The following RGS6 variants were observed in gnomAD, a reference collection of about 807,000 sequenced individuals.
RGS6 encodes regulator of G-protein signaling 6.
In RGS6, 30 loss-of-function variants were observed where a neutral mutation model predicts 78.5. That is an observed-to-expected ratio of 0.38 (90% CI 0.29 to 0.52). The LOEUF is 0.52. RGS6 is among the 20% of genes least tolerant of loss of function. RGS6 has a pLI of 0.85. For missense variants in RGS6, 495 were observed against 609.7 expected, an observed-to-expected ratio of 0.81 and a Z score of 1.98; for synonymous variants, 206 against 206.0, an observed-to-expected ratio of 1.00 and a Z score of 0.00.
intron 2 of RGS6, among the ~76,000 whole-genome samples, chr14:72,293,969 G>A (rs924469043): frequency 2.6e-5 from 4 of 152,212 alleles, no homozygotes; most frequent in African/African-American, 9.7e-5. Context: ...CCTGGGCTAA[G>A]CTATTGCAGG....
chr14:72,233,294 G>A (rs2050140145), intron 2 of RGS6, among the ~76,000 whole-genome samples: 1 of 152,188 alleles, frequency 6.6e-6, no homozygotes, highest in South Asian at 2.1e-4. Context: ...GCAGGATGGA[G>A]GCTTGGGTAT....
chr14:72,263,769 C>G (rs1418819588), intron 2 of RGS6, among the ~76,000 whole-genome samples: 2 of 152,172 alleles, frequency 1.3e-5, no homozygotes, highest in Non-Finnish European at 2.9e-5. Context: ...TCTTGGACTT[C>G]CCAGTCTCCA....
At chr14:72,517,280 C>T (rs754010920) in intron 14 of RGS6, among the ~76,000 whole-genome samples, 4 of 152,178 alleles carry the variant, frequency 2.6e-5, no homozygotes, top group Non-Finnish European at 2.9e-5. Context: ...CTGTGATTCC[C>T]GCTGCTCTCG....
At chr14:72,219,749 C>G (rs28678452) in intron 2 of RGS6, among the ~76,000 whole-genome samples, 68,828 of 151,906 alleles carry the variant, frequency 0.45, 15,946 homozygotes, top group Middle Eastern at 0.59. Context: ...GGTCTCCTGT[C>G]TTATTGTATC....
At chr14:72,248,640 C>T (rs967658821) in intron 2 of RGS6, among the ~76,000 whole-genome samples, 5 of 152,176 alleles carry the variant, frequency 3.3e-5, no homozygotes, top group African/African-American at 1.2e-4. Flanking sequence ...TTACTTACCT[C>T]CAAATCAAAG....
At chr14:72,339,309 A>G (rs1011823331) in intron 2 of RGS6, among the ~76,000 whole-genome samples, 1 of 152,192 alleles carries the variant, frequency 6.6e-6, no homozygotes, top group African/African-American at 2.4e-5. Context: ...AGAAAGCAGA[A>G]CAAGCCCTCA....
intron 17 of RGS6, among the ~76,000 whole-genome samples, chr14:72,543,395 G>C (rs2097351941): frequency 6.6e-6 from 1 of 152,292 alleles, no homozygotes; most frequent in Middle Eastern, 3.4e-3. Flanking sequence ...AGCTTCTCCA[G>C]GGCCCCCAAT....
At chr14:72,143,444 T>C (rs2096567926) in intron 2 of RGS6, among the ~76,000 whole-genome samples, 1 of 152,224 alleles carries the variant, frequency 6.6e-6, no homozygotes, top group African/African-American at 2.4e-5. Context: ...ACCTTTTATT[T>C]GTTGTTAATT....
chr14:71,969,848 T>C (rs1214016010), intron 2 of RGS6, among the ~76,000 whole-genome samples: 5 of 152,236 alleles, frequency 3.3e-5, no homozygotes, highest in Non-Finnish European at 5.9e-5. Flanking sequence ...TTCCATTCTA[T>C]AACTTTTTGA....
At chr14:71,951,408 G>T (rs908387134) in intron 1 of RGS6, among the ~76,000 whole-genome samples, 5 of 152,102 alleles carry the variant, frequency 3.3e-5, no homozygotes, top group Non-Finnish European at 7.4e-5. Context: ...TGTTGGGGAT[G>T]GGGGGATGGG....
At chr14:71,993,881 C>T (rs1383739437) in intron 2 of RGS6, among the ~76,000 whole-genome samples, 1 of 151,882 alleles carries the variant, frequency 6.6e-6, no homozygotes, top group African/African-American at 2.4e-5. Flanking sequence ...ATTCTAATTT[C>T]TCTTGAGGAC....
At chr14:72,528,785 G>T (rs1205373960) in intron 15 of RGS6, among the ~76,000 whole-genome samples, 1 of 152,212 alleles carries the variant, frequency 6.6e-6, no homozygotes, top group Non-Finnish European at 1.5e-5. Flanking sequence ...ACTCTCAGCA[G>T]GGGCTTGGCT....
intron 2 of RGS6, among the ~76,000 whole-genome samples, chr14:72,070,132 T>TTC (rs141781751): frequency 4.6e-4 from 70 of 150,834 alleles, no homozygotes; most frequent in African/African-American, 8.0e-4. Context: ...TGTGCTTTAT[T>TTC]TCTCTCTCTC....
intron 3 of RGS6, among the ~76,000 whole-genome samples, chr14:72,419,044 G>A (rs1566796635): frequency 6.6e-6 from 1 of 152,208 alleles, no homozygotes; most frequent in Non-Finnish European, 1.5e-5. Context: ...CCTTGGATGC[G>A]TTTCCCAGCC....
rs546218687 is a variant in RGS6 at position 71,973,271 on chromosome 14, A to G, written c.84+8396A>G. Among the ~76,000 whole-genome samples the G allele has an allele frequency of 2.0e-5, 3 of 152,260 alleles. No homozygotes were observed. In the South Asian group the frequency reaches 6.2e-4, roughly 32 times the overall value. The stretch of plus-strand genomic sequence containing the variant: ...CTTTACTTTATTTTTAATTTTCTTT[A>G]AAAAGTGAACCGAGCCAAAACTTTA... On this transcript the variant is annotated intron_variant, in intron 2 of 17. Transcript: ENST00000553525.
chr14:72,132,101 G>C (rs2096332780), intron 2 of RGS6, among the ~76,000 whole-genome samples: 1 of 151,978 alleles, frequency 6.6e-6, no homozygotes, highest in Non-Finnish European at 1.5e-5. Context: ...GTAATTATTT[G>C]TTTCTCAACC....
intron 2 of RGS6, among the ~76,000 whole-genome samples, chr14:72,078,406 C>G (rs1597204923): frequency 6.6e-6 from 1 of 151,640 alleles, no homozygotes; most frequent in African/African-American, 2.4e-5. Context: ...TTCTTTTATT[C>G]TTTTCTTTCT....
intron 2 of RGS6, among the ~76,000 whole-genome samples, chr14:72,210,490 ATGT>A (rs1044885646): frequency 9.8e-5 from 15 of 152,328 alleles, no homozygotes; most frequent in African/African-American, 3.4e-4. Flanking sequence ...GAGGAAAATA[ATGT>A]TTGTCATTTG....
intron 2 of RGS6, among the ~76,000 whole-genome samples, chr14:72,230,753 G>A (rs2153809639): frequency 6.6e-6 from 1 of 152,252 alleles, no homozygotes; most frequent in African/African-American, 2.4e-5. Context: ...TGCTTTTAAG[G>A]CCTTCCAGGT....
Sources: gnomAD v4.1 joint callset for allele counts (sites outside exome capture counted in the v4.1 genomes callset) on GRCh38, gnomAD v4.1.1 for gene constraint, MANE v1.5 for transcripts, NCBI Gene and HGNC (gene_info 2026-07-23, HGNC 2026-07-21) for gene names.